SND1: variants seen among roughly 807,000 people sequenced by gnomAD.
SND1 encodes staphylococcal nuclease and tudor domain containing 1.
Under a neutral mutation model 121.7 loss-of-function variants are expected in SND1, and 38 were observed. That is an observed-to-expected ratio of 0.31 (90% CI 0.24 to 0.41). The LOEUF (loss-of-function observed/expected upper bound fraction) is 0.41. Among genes scored for constraint, SND1 ranks in the 10% least tolerant of loss-of-function variants. The pLI, the probability that SND1 is intolerant of heterozygous loss-of-function variation, is 1.00. For synonymous variants in SND1, 401 were observed against 447.4 expected (o/e 0.90, Z 1.31); for missense variants, 868 against 1,184.6 (o/e 0.73, Z 3.92).
At chr7:127,765,837 T>C (rs1300198267) in intron 10 of SND1, among the ~76,000 whole-genome samples, 1 of 152,240 alleles carries the variant, frequency 6.6e-6, no homozygotes, top group Admixed American at 6.5e-5. Flanking sequence ...TATAAGATCA[T>C]ATTTTGACCC....
chr7:128,057,358 T>C (rs555504502), intron 16 of SND1, among the ~76,000 whole-genome samples: 2 of 152,286 alleles, frequency 1.3e-5, no homozygotes, highest in South Asian at 4.1e-4. Context: ...CAGTTAGGAA[T>C]AGCATTTCGT....
chr7:127,976,532 C>T (rs1036699497), intron 15 of SND1, among the ~76,000 whole-genome samples: 16 of 152,208 alleles, frequency 1.1e-4, no homozygotes, highest in African/African-American at 2.4e-4. Context: ...AAAAAGCTTC[C>T]GTTGAGTGCA....
intron 10 of SND1, among the ~76,000 whole-genome samples, chr7:127,755,088 T>TACC (rs1797170334): frequency 2.0e-5 from 3 of 152,238 alleles, no homozygotes; most frequent in African/African-American, 7.2e-5. Flanking sequence ...ATCTTCCACC[T>TACC]ACCACCAATT....
chr7:128,091,906 C>T lies in SND1; in HGVS notation c.2667+25C>T. 2.5e-6 allele frequency: 4 copies of T among 1,614,134 alleles called. No individual in the cohort carries two copies. The South Asian group carries it at 4.4e-5, about 18-fold the overall frequency. On this transcript the variant is annotated intron_variant, in intron 23 of 23. Transcript: ENST00000354725. Reference sequence around the variant, plus strand: ...GGTGAGTTCTTACCTTGGGAGCCCCCAGAGGGTACCGAGTTGAGGGGTTTG... The same window carrying T: ...GGTGAGTTCTTACCTTGGGAGCCCCTAGAGGGTACCGAGTTGAGGGGTTTG...
At chr7:127,721,528 A>C in intron 10 of SND1, 128 bp downstream of exon 10, 1 of 548,838 alleles carries the variant, frequency 1.8e-6, no homozygotes, top group Non-Finnish European at 3.3e-6. Context: ...TTAAATCTCC[A>C]CAGTATTATT....
At chr7:127,805,971 C>A (rs564517119) in intron 10 of SND1, among the ~76,000 whole-genome samples, 1 of 152,254 alleles carries the variant, frequency 6.6e-6, no homozygotes, top group East Asian at 1.9e-4. Flanking sequence ...CATACTTGAT[C>A]TTTGTATATC....
rs765804071 is a variant in SND1, at chr7:128,029,182, A to T, written c.1779+38126A>T. The T allele has an allele frequency of 6.2e-7, 1 of 1,614,078 alleles. No individual in the cohort carries two copies. The highest frequency in any genetic ancestry group is 8.5e-7 in the Non-Finnish European group (1 of 1,180,024). ...ATGAGCACCGTGGTAGAGGTGGTAT[A>T]TGCCGGCTGGTAACCAGTGGACGTG... is the stretch of plus-strand genomic sequence containing the variant. On this transcript the variant is annotated intron_variant, in intron 16 of 23. Coordinates refer to ENST00000354725, the MANE Select transcript of SND1 (RefSeq NM_014390.4). The surrounding 1 kb of genome is among the most constrained non-coding windows in gnomAD (Gnocchi z 4.2).
At chr7:128,030,448 C>T in intron 16 of SND1, 1 of 1,613,734 alleles carries the variant, frequency 6.2e-7, no homozygotes, top group Non-Finnish European at 8.5e-7. Context: ...TCGGAGAGGC[C>T]CCGGCGCGTG....
intron 10 of SND1, among the ~76,000 whole-genome samples, chr7:127,750,535 G>C (rs922496245): frequency 6.6e-6 from 1 of 152,208 alleles, no homozygotes; most frequent in Non-Finnish European, 1.5e-5. Flanking sequence ...TTTATTCAAT[G>C]AAACATATGA....
chr7:127,857,774 C>A, intron 12 of SND1: 1 of 658,398 alleles, frequency 1.5e-6, no homozygotes, highest in Non-Finnish European at 2.8e-6. Context: ...AACTTCCTCA[C>A]TGCCTGAGAC....
At chr7:128,050,662 C>G (rs573596629) in intron 16 of SND1, among the ~76,000 whole-genome samples, 2 of 152,196 alleles carry the variant, frequency 1.3e-5, no homozygotes, top group African/African-American at 4.8e-5. Flanking sequence ...TCCATCTCTT[C>G]CCCCAGTCTT....
At chr7:128,062,304 G>A (rs1298571688) in intron 16 of SND1, among the ~76,000 whole-genome samples, 2 of 152,232 alleles carry the variant, frequency 1.3e-5, no homozygotes, top group Non-Finnish European at 2.9e-5. Flanking sequence ...GTAGATTTAA[G>A]GACAGGTAGG....
intron 12 of SND1, among the ~76,000 whole-genome samples, chr7:127,849,130 T>G (rs1232761983): frequency 1.3e-5 from 2 of 152,250 alleles, no homozygotes; most frequent in Admixed American, 1.3e-4. Flanking sequence ...CTGATCGTTT[T>G]AGGCCTGGTT....
At chr7:127,926,009 C>G (rs530137773) in intron 14 of SND1, among the ~76,000 whole-genome samples, 2 of 151,804 alleles carry the variant, frequency 1.3e-5, no homozygotes, top group South Asian at 2.1e-4. Flanking sequence ...CTTGCACTCT[C>G]TCTTTGGAAG....
chr7:127,955,733 C>G (rs1801577691), intron 15 of SND1, among the ~76,000 whole-genome samples: 1 of 152,186 alleles, frequency 6.6e-6, no homozygotes, highest in South Asian at 2.1e-4. Flanking sequence ...GTCTCCTAAC[C>G]AGTCTTCTTC....
intron 13 of SND1, among the ~76,000 whole-genome samples, chr7:127,890,821 T>C (rs1189603270): frequency 1.3e-5 from 2 of 152,186 alleles, no homozygotes; most frequent in Non-Finnish European, 2.9e-5. Flanking sequence ...TGTAACAAGA[T>C]GCTTGCTTGC....
At position 127,652,219 on chromosome 7, in the gene SND1, G is replaced by C. The variant is rs948948642; in HGVS notation, c.-155G>C. 4 of 700,096 alleles carry C rather than the reference G, an allele frequency of 5.7e-6. No homozygotes were observed. In the African/African-American group the frequency reaches 7.1e-5, roughly 12 times the overall value. The allele number at this position is 700,096 out of a possible 1,614,324, so 43.4% of individuals were successfully genotyped here. On this transcript the variant is annotated 5_prime_UTR_variant, in exon 1 of 24. Coordinates refer to ENST00000354725, the MANE Select transcript of SND1 (RefSeq NM_014390.4). ...CTCTTTCGCTCCGTGTCCCGCTGCT[G>C]CTCCTGTGAGCGCCCGGCGAGTCCG... is the stretch of plus-strand genomic sequence containing the variant.
chr7:127,836,236 A>G (rs527454047), intron 11 of SND1, among the ~76,000 whole-genome samples: 1 of 152,336 alleles, frequency 6.6e-6, no homozygotes, highest in Admixed American at 6.5e-5. Context: ...AAATGTATCA[A>G]ATAAGAACAC....
At chr7:127,919,152 G>C (rs1800647766) in intron 14 of SND1, among the ~76,000 whole-genome samples, 1 of 152,184 alleles carries the variant, frequency 6.6e-6, no homozygotes, top group Non-Finnish European at 1.5e-5. Context: ...AAAAATGAAT[G>C]TTCAAAGTAC....
Sources: gnomAD v4.1 joint callset for allele counts (sites outside exome capture counted in the v4.1 genomes callset) on GRCh38, gnomAD v4.1.1 for gene constraint, Gnocchi (gnomAD v3.1) non-coding constraint, MANE v1.5 for transcripts, NCBI Gene and HGNC (gene_info 2026-07-23, HGNC 2026-07-21) for gene names.